The following KLHL29 variants were observed in gnomAD, a reference collection of about 807,000 sequenced individuals.
The protein encoded by KLHL29 is kelch like family member 29, also known as kelch-like protein 29.
A neutral mutation model predicts 80.4 loss-of-function variants in KLHL29; 21 were observed. The ratio of observed to expected loss-of-function variants is 0.26; its 90% CI spans 0.19 to 0.38. The LOEUF (loss-of-function observed/expected upper bound fraction) is 0.38. Among genes scored for constraint, KLHL29 ranks in the 10% least tolerant of loss-of-function variants. The pLI is 1.00. For missense variants in KLHL29, 867 were observed against 1,223.9 expected, an observed-to-expected ratio of 0.71 and a Z score of 4.35; for synonymous variants, 511 against 526.8, an observed-to-expected ratio of 0.97 and a Z score of 0.41.
intron 3 of KLHL29, among the ~76,000 whole-genome samples, chr2:23,626,160 A>G (rs954547912): frequency 6.6e-6 from 1 of 152,234 alleles, no homozygotes; most frequent in African/African-American, 2.4e-5. Context: ...TTAGATTCTC[A>G]TAAGGAGTAC....
At chr2:23,675,454 C>G (rs958231373) in intron 5 of KLHL29, among the ~76,000 whole-genome samples, 4 of 152,216 alleles carry the variant, frequency 2.6e-5, no homozygotes, top group Admixed American at 1.3e-4. Context: ...CCCCTTGACT[C>G]CTACTCTGAG....
chr2:23,619,555 T>A (rs1056921513), intron 3 of KLHL29, among the ~76,000 whole-genome samples: 3 of 152,128 alleles, frequency 2.0e-5, no homozygotes, highest in African/African-American at 7.2e-5. Context: ...GTGCCCATGA[T>A]AACAGCAGAG....
At chr2:23,486,209 T>G (rs888044385) in intron 2 of KLHL29, among the ~76,000 whole-genome samples, 4 of 152,084 alleles carry the variant, frequency 2.6e-5, no homozygotes, top group African/African-American at 9.7e-5. Flanking sequence ...TCCCACTTAC[T>G]TCTGGTAGGG....
intron 1 of KLHL29, among the ~76,000 whole-genome samples, chr2:23,413,996 A>G (rs1469931830): frequency 2.6e-5 from 4 of 152,198 alleles, no homozygotes; most frequent in Admixed American, 1.3e-4. Flanking sequence ...ACGTCTGTGA[A>G]CCCCATGCCT....
intron 6 of KLHL29, among the ~76,000 whole-genome samples, chr2:23,685,702 C>G (rs1167134557): frequency 5.3e-5 from 8 of 152,234 alleles, no homozygotes; most frequent in Non-Finnish European, 1.2e-4. Flanking sequence ...GGTCTCCTGC[C>G]CCCGGTGCTT....
intron 2 of KLHL29, among the ~76,000 whole-genome samples, chr2:23,541,765 C>CAAA (rs149080311): frequency 0.072 from 9,822 of 137,030 alleles, 358 homozygotes; most frequent in Non-Finnish European, 0.09. Context: ...AAGCCCAACC[C>CAAA]AAAAAACAAA....
At chr2:23,653,683 G>T (rs1670151240) in intron 5 of KLHL29, among the ~76,000 whole-genome samples, 1 of 152,200 alleles carries the variant, frequency 6.6e-6, no homozygotes. Flanking sequence ...AAGGTGACAA[G>T]GGCAAACTCT....
intron 2 of KLHL29, among the ~76,000 whole-genome samples, chr2:23,548,353 GCA>G (rs747891313): frequency 1.3e-5 from 2 of 149,860 alleles, no homozygotes; most frequent in Non-Finnish European, 3.0e-5. Context: ...AGGCACACAG[GCA>G]CACACACAGG....
At chr2:23,530,250 GC>G (rs1000917880) in intron 2 of KLHL29, among the ~76,000 whole-genome samples, 24 of 152,188 alleles carry the variant, frequency 1.6e-4, no homozygotes, top group Admixed American at 1.1e-3. Context: ...TTCTGGCCTT[GC>G]CATTGAAGAG....
intron 1 of KLHL29, among the ~76,000 whole-genome samples, chr2:23,430,015 G>A (rs1366024717): frequency 1.3e-5 from 2 of 152,126 alleles, no homozygotes; most frequent in African/African-American, 2.4e-5. Context: ...TGAGAAAACC[G>A]AGTAGAGGTT....
chr2:23,500,281 AT>A (rs1202479408), intron 2 of KLHL29, among the ~76,000 whole-genome samples: 1 of 152,186 alleles, frequency 6.6e-6, no homozygotes. Flanking sequence ...GCGCCTTGAG[AT>A]GTCTGGAAGG....
chr2:23,479,534 C>G (rs552136038), intron 2 of KLHL29, among the ~76,000 whole-genome samples: 2 of 152,046 alleles, frequency 1.3e-5, no homozygotes, highest in Non-Finnish European at 2.9e-5. Context: ...CCTTGGCTCC[C>G]TGTATCCCCA....
chr2:23,674,119 C>T (rs962219916), intron 5 of KLHL29, among the ~76,000 whole-genome samples: 7 of 152,162 alleles, frequency 4.6e-5, no homozygotes, highest in Admixed American at 1.3e-4. Flanking sequence ...GCACTTGCCC[C>T]GGTCAGACTC....
intron 2 of KLHL29, among the ~76,000 whole-genome samples, chr2:23,495,999 T>A (rs1254455600): frequency 1.3e-5 from 2 of 152,238 alleles, no homozygotes; most frequent in Non-Finnish European, 2.9e-5. Flanking sequence ...GCTCTGCTCC[T>A]CCCTCAGCCC....
chr2:23,484,678 T>G (rs1664882557), intron 2 of KLHL29, among the ~76,000 whole-genome samples: 1 of 152,142 alleles, frequency 6.6e-6, no homozygotes, highest in African/African-American at 2.4e-5. Context: ...ACAGTGTGAT[T>G]ATTTATTTAG....
At position 23,706,665 on chromosome 2, in the gene KLHL29, C is replaced by T. The variant is rs1426486452; in HGVS notation, c.*1C>T. 2 of 1,517,616 alleles carry T rather than the reference C, an allele frequency of 1.3e-6. No homozygotes were observed. The highest frequency in any genetic ancestry group is 2.0e-5 in the Admixed American group (1 of 49,636). 94.0% of individuals were successfully genotyped at this position (1,517,616 alleles called of 1,614,324 possible). On this transcript the variant is annotated 3_prime_UTR_variant, in exon 14 of 14. Coordinates refer to ENST00000486442, the MANE Select transcript of KLHL29 (RefSeq NM_052920.2). ...AAAGAAATATATTCAAAGCGGCTGA[C>T]ATCAGCAGAAAGCCCACGATAAGAC...
chr2:23,555,130 C>G (rs570296073), intron 2 of KLHL29, among the ~76,000 whole-genome samples: 16 of 150,880 alleles, frequency 1.1e-4, no homozygotes, highest in East Asian at 4.0e-4. Context: ...TCCCCCCCCC[C>G]CTCAACTTGT....
At position 23,395,341 on chromosome 2, in the gene KLHL29, A is replaced by G. The variant is rs532728653; in HGVS notation, c.-154+9561A>G. 2.6e-5 allele frequency among the ~76,000 whole-genome samples: 4 copies of G among 152,248 alleles called. No homozygotes were observed. The South Asian group carries it at 8.3e-4, about 32-fold the overall frequency. On this transcript the variant is annotated intron_variant, in intron 1 of 13. Coordinates refer to ENST00000486442, the MANE Select transcript of KLHL29 (RefSeq NM_052920.2). ...GCTGCTATTGATTTGTCTCTCCATC[A>G]CAGTAGAGAGGGGTAGAAAATGGTG...
intron 2 of KLHL29, among the ~76,000 whole-genome samples, chr2:23,489,531 C>T (rs11899824): frequency 2.0e-5 from 3 of 152,198 alleles, no homozygotes; most frequent in South Asian, 2.1e-4. Flanking sequence ...GAAGTCCTTG[C>T]GTACCTCCTG....
Sources: gnomAD v4.1 joint callset for allele counts (sites outside exome capture counted in the v4.1 genomes callset) on GRCh38, gnomAD v4.1.1 for gene constraint, MANE v1.5 for transcripts, NCBI Gene and HGNC (gene_info 2026-07-23, HGNC 2026-07-21) for gene names.